Variants in PABPC4L observed in about 807,000 individuals in gnomAD.
PABPC4L encodes the protein polyadenylate-binding protein 4-like.
For synonymous variants in PABPC4L, 169 were observed against 164.1 expected (o/e 1.03, Z -0.23); for missense variants, 452 against 451.4 (o/e 1.00, Z -0.01).
At chr4:134,008,571 A>G in the PABPC4L span, among the ~76,000 whole-genome samples, 4 of 151,864 alleles carry the variant, frequency 2.6e-5, no homozygotes, top group East Asian at 7.7e-4. Context: ...CCAAACCCTG[A>G]ACAGAGGAAT....
At chr4:134,045,656 A>T in the PABPC4L span, among the ~76,000 whole-genome samples, 1 of 152,086 alleles carries the variant, frequency 6.6e-6, no homozygotes, top group Non-Finnish European at 1.5e-5. Context: ...AAGTTTCCAG[A>T]AACTATGTTC....
chr4:134,105,757 A>C, the PABPC4L span, among the ~76,000 whole-genome samples: 2 of 151,696 alleles, frequency 1.3e-5, no homozygotes, highest in African/African-American at 2.4e-5. Flanking sequence ...TCAAAACTAG[A>C]AAGGTGGCTG....
chr4:134,114,180 C>A, the PABPC4L span, among the ~76,000 whole-genome samples: 1 of 151,562 alleles, frequency 6.6e-6, no homozygotes, highest in Non-Finnish European at 1.5e-5. Context: ...CAGGAGCAGA[C>A]CTCCACAAGC....
At chr4:133,959,615 G>T in the PABPC4L span, among the ~76,000 whole-genome samples, 12 of 152,282 alleles carry the variant, frequency 7.9e-5, no homozygotes, top group African/African-American at 2.6e-4. Context: ...TACCTCCTAG[G>T]CCATGTTTAA....
chr4:134,128,819 C>T, the PABPC4L span, among the ~76,000 whole-genome samples: 1 of 152,092 alleles, frequency 6.6e-6, no homozygotes, highest in Non-Finnish European at 1.5e-5. Flanking sequence ...TAGTATCTCA[C>T]ATCTCAATAC....
chr4:133,998,211 T>C, the PABPC4L span, among the ~76,000 whole-genome samples: 1 of 151,992 alleles, frequency 6.6e-6, no homozygotes, highest in African/African-American at 2.4e-5. Flanking sequence ...ATTATACTAT[T>C]TCTAAGGCTA....
chr4:133,958,544 TAATCCA>T, the PABPC4L span, among the ~76,000 whole-genome samples: 1 of 152,202 alleles, frequency 6.6e-6, no homozygotes, highest in Non-Finnish European at 1.5e-5. Flanking sequence ...TTTACCATAT[TAATCCA>T]TTTTCATGCT....
At chr4:134,139,441 G>A in the PABPC4L span, among the ~76,000 whole-genome samples, 1 of 151,922 alleles carries the variant, frequency 6.6e-6, no homozygotes, top group African/African-American at 2.4e-5. Context: ...TTGAACAAAT[G>A]TGTCAACCAG....
the PABPC4L span, among the ~76,000 whole-genome samples, chr4:134,050,884 T>A: frequency 8.7e-4 from 84 of 96,310 alleles, no homozygotes; most frequent in Middle Eastern, 6.7e-3. Flanking sequence ...ACCTTTATTT[T>A]TTTTTTTTTT....
chr4:133,951,000 T>C, the PABPC4L span, among the ~76,000 whole-genome samples: 1 of 152,354 alleles, frequency 6.6e-6, no homozygotes, highest in East Asian at 1.9e-4. Flanking sequence ...TGTAGGAGCT[T>C]TAGGGACTGG....
downstream of PABPC4L, among the ~76,000 whole-genome samples, chr4:134,195,173 T>C (rs1729621308): frequency 6.6e-6 from 1 of 151,852 alleles, no homozygotes; most frequent in South Asian, 2.1e-4. Context: ...AACAATCTAG[T>C]TATAATTCTA....
chr4:133,953,460 G>C, the PABPC4L span, among the ~76,000 whole-genome samples: 1 of 152,134 alleles, frequency 6.6e-6, no homozygotes, highest in African/African-American at 2.4e-5. Context: ...TATCAGGCCA[G>C]CTTTTAGTTA....
At chr4:134,168,114 CAA>C in the PABPC4L span, among the ~76,000 whole-genome samples, 3 of 151,948 alleles carry the variant, frequency 2.0e-5, no homozygotes, top group African/African-American at 7.2e-5. Context: ...AAATCAATAA[CAA>C]GAGGAAATTT....
chr4:134,171,704 A>C, the PABPC4L span, among the ~76,000 whole-genome samples: 1 of 152,116 alleles, frequency 6.6e-6, no homozygotes, highest in Admixed American at 6.6e-5. Context: ...GCATCTAAAT[A>C]GGAGGAGAGG....
chr4:133,964,225 T>C, the PABPC4L span, among the ~76,000 whole-genome samples: 1 of 151,826 alleles, frequency 6.6e-6, no homozygotes, highest in Non-Finnish European at 1.5e-5. Flanking sequence ...GTAGAAGAGA[T>C]AGATAAATTT....
At chr4:134,157,271 T>G in the PABPC4L span, among the ~76,000 whole-genome samples, 2 of 151,714 alleles carry the variant, frequency 1.3e-5, no homozygotes, top group Admixed American at 6.6e-5. Context: ...CTTAGTTTTT[T>G]TTTTTTTAGT....
chr4:134,080,449 T>C, the PABPC4L span, among the ~76,000 whole-genome samples: 14 of 152,318 alleles, frequency 9.2e-5, no homozygotes, highest in East Asian at 2.7e-3. Flanking sequence ...TGAGTTGTGA[T>C]TGATGTTTCA....
downstream of PABPC4L, among the ~76,000 whole-genome samples, chr4:134,194,214 G>A (rs1176195272): frequency 6.6e-6 from 1 of 151,778 alleles, no homozygotes; most frequent in African/African-American, 2.4e-5. Context: ...GAGGGAAATG[G>A]GAGTACTGAG....
At chr4:134,077,281 T>A in the PABPC4L span, among the ~76,000 whole-genome samples, 8 of 152,154 alleles carry the variant, frequency 5.3e-5, no homozygotes, top group African/African-American at 1.2e-4. Flanking sequence ...ATATATTCAG[T>A]GCAGCCATAA....
Sources: allele counts gnomAD v4.1 joint callset (sites outside exome capture counted in the v4.1 genomes callset), GRCh38; gene constraint gnomAD v4.1.1; transcripts MANE v1.5; gene names NCBI Gene and HGNC (gene_info 2026-07-23, HGNC 2026-07-21).